The following SYNJ1 variants were observed in gnomAD, a reference collection of about 807,000 sequenced individuals.
The protein encoded by SYNJ1 is polyphosphatidylinositol phosphatase SYNJ1.
Under a neutral mutation model 168.2 loss-of-function variants are expected in SYNJ1, and 78 were observed. The observed-to-expected ratio is 0.46, with a 90% CI of 0.39 to 0.56. The LOEUF is 0.56. Ranked by LOEUF, SYNJ1 falls within the 20% of genes least tolerant of loss-of-function variation. SYNJ1 has a pLI of 0.00. For synonymous variants in SYNJ1, 539 were observed against 548.6 expected, an observed-to-expected ratio of 0.98 and a Z score of 0.24; for missense variants, 1,303 against 1,597.6, an observed-to-expected ratio of 0.82 and a Z score of 3.14.
At chr21:32,708,912 G>A (rs571240837) in intron 2 of SYNJ1, among the ~76,000 whole-genome samples, 2 of 151,490 alleles carry the variant, frequency 1.3e-5, no homozygotes, top group South Asian at 4.2e-4. Flanking sequence ...GAACCCAAGA[G>A]TTCAACACCA....
At chr21:32,686,004 G>A in intron 8 of SYNJ1, 87 bp from the exon 9 acceptor site, 2 of 1,369,318 alleles carry the variant, frequency 1.5e-6, no homozygotes, top group Non-Finnish European at 2.0e-6. Context: ...ATTGACACTG[G>A]CAATAAATCT....
At chr21:32,639,590 G>A in intron 30 of SYNJ1, 81 bp downstream of exon 30, 2 of 1,084,596 alleles carry the variant, frequency 1.8e-6, no homozygotes, top group Non-Finnish European at 2.8e-6. Context: ...TTACAGGCGG[G>A]TCTCACTATG....
chr21:32,649,169 G>C (rs952888260), intron 23 of SYNJ1, among the ~76,000 whole-genome samples: 1 of 152,042 alleles, frequency 6.6e-6, no homozygotes, highest in Non-Finnish European at 1.5e-5. Context: ...TTACTTACAC[G>C]TAACACCCAA....
At chr21:32,721,220 A>G (rs1442853114) in intron 2 of SYNJ1, among the ~76,000 whole-genome samples, 1 of 152,228 alleles carries the variant, frequency 6.6e-6, no homozygotes, top group East Asian at 1.9e-4. Context: ...ATTTAATCAA[A>G]CACTTGCTGT....
At chr21:32,640,047 G>A (rs1240648013) in intron 29 of SYNJ1, among the ~76,000 whole-genome samples, 1 of 152,106 alleles carries the variant, frequency 6.6e-6, no homozygotes, top group South Asian at 2.1e-4. Context: ...TCCCTCAGAA[G>A]TAGGTATTAT....
intron 3 of SYNJ1, 131 bp from the exon 4 acceptor site, chr21:32,700,236 C>A: frequency 9.6e-7 from 1 of 1,046,144 alleles, no homozygotes; most frequent in Non-Finnish European, 1.3e-6. Flanking sequence ...TGTTGAAATT[C>A]ACTAGACATT....
intron 2 of SYNJ1, among the ~76,000 whole-genome samples, chr21:32,719,541 C>G (rs570894157): frequency 6.6e-6 from 1 of 151,856 alleles, no homozygotes; most frequent in East Asian, 1.9e-4. Context: ...TGGTGAAACC[C>G]CGTCTCTACT....
intron 2 of SYNJ1, among the ~76,000 whole-genome samples, chr21:32,722,019 C>G (rs1362288897): frequency 1.3e-5 from 2 of 151,176 alleles, no homozygotes; most frequent in Non-Finnish European, 2.9e-5. Context: ...AACCCTGTCT[C>G]TACTAAAAAT....
At chr21:32,693,251 G>A (rs999146761) in intron 6 of SYNJ1, among the ~76,000 whole-genome samples, 4 of 152,168 alleles carry the variant, frequency 2.6e-5, no homozygotes, top group Non-Finnish European at 5.9e-5. Flanking sequence ...AAGCGTAGGA[G>A]AAGTGGGGTT....
At position 32,642,274 on chromosome 21, in the gene SYNJ1, A is replaced by G. The variant is rs1601246285; in HGVS notation, c.3479-141T>C. 6 of 837,018 alleles carry G rather than the reference A, an allele frequency of 7.2e-6. No homozygotes were observed. In the East Asian group the frequency reaches 1.5e-4, roughly 21 times the overall value. 51.8% of individuals were successfully genotyped at this position (837,018 alleles called of 1,614,324 possible). A position where few individuals can be genotyped will look rare whatever the true frequency, so the allele number is the denominator to read the frequency against. On this transcript the variant is annotated intron_variant, in intron 27 of 32. Coordinates refer to ENST00000674351, the MANE Select transcript of SYNJ1 (RefSeq NM_203446.3). ...AACAAAACAAAGCACTTTGCTTTGT[A>G]TAATGATGAAGGGTATTATCAGTCC...
chr21:32,660,517 C>T (rs960542623), intron 18 of SYNJ1, among the ~76,000 whole-genome samples: 6 of 152,202 alleles, frequency 3.9e-5, no homozygotes, highest in Non-Finnish European at 7.3e-5. Flanking sequence ...ACCTGACCTT[C>T]GGGACCAGCC....
chr21:32,648,076 G>A (rs1199083065), intron 23 of SYNJ1, among the ~76,000 whole-genome samples: 1 of 152,142 alleles, frequency 6.6e-6, no homozygotes, highest in African/African-American at 2.4e-5. Context: ...TGTCACTTGG[G>A]TATCTGAGGA....
chr21:32,656,315 G>GCA (rs1205865841), intron 21 of SYNJ1, among the ~76,000 whole-genome samples: 1 of 152,092 alleles, frequency 6.6e-6, no homozygotes, highest in East Asian at 1.9e-4. Flanking sequence ...GTGGTGGTGT[G>GCA]CACTTGCAGA....
Position 32,685,741 on chromosome 21 carries a change from G to A in SYNJ1, c.1118+7C>T, listed in dbSNP as rs752329632. The A allele has an allele frequency of 3.1e-6, 5 of 1,590,600 alleles. No homozygotes were observed. The highest frequency in any genetic ancestry group is 1.9e-4 in the Middle Eastern group (1 of 5,398). ...ATTCAAAGAACAGAGAAACAGAACA[G>A]TCAAACCTTTGAACTTCACTTCCAT... On this transcript the variant is annotated splice_region_variant and intron_variant, in intron 9 of 32. Coordinates refer to ENST00000674351, the MANE Select transcript of SYNJ1 (RefSeq NM_203446.3).
intron 18 of SYNJ1, chr21:32,658,504 C>T (rs1161549969): frequency 6.6e-6 from 1 of 152,302 alleles, no homozygotes; most frequent in Admixed American, 6.5e-5. Context: ...CTCATTCCTC[C>T]TGGACACCAG....
chr21:32,684,420 G>A (rs1330628941), intron 9 of SYNJ1, among the ~76,000 whole-genome samples: 2 of 152,014 alleles, frequency 1.3e-5, no homozygotes, highest in Non-Finnish European at 2.9e-5. Flanking sequence ...ACAGTTCTTT[G>A]CACATAAAAT....
At chr21:32,634,720 T>G in intron 32 of SYNJ1, 141 bp downstream of exon 32, 1 of 793,208 alleles carries the variant, frequency 1.3e-6, no homozygotes, top group South Asian at 2.4e-5. Context: ...AAAAGCAGGT[T>G]TTATGGTATG....
chr21:32,631,520 G>A lies in SYNJ1; in HGVS notation c.*285C>T. The A allele has an allele frequency of 6.2e-7, 1 of 1,614,100 alleles. No individual in the cohort carries two copies. On this transcript the variant is annotated 3_prime_UTR_variant, in exon 33 of 33. Coordinates refer to ENST00000674351, the MANE Select transcript of SYNJ1 (RefSeq NM_203446.3). ...CACTGAAAGGATTTGTCCTGGTCAA[G>A]CCAGTAATAAATGGGTTTGGAGAAC...
intron 32 of SYNJ1, among the ~76,000 whole-genome samples, chr21:32,632,381 AC>A (rs1029585461): frequency 6.9e-6 from 1 of 144,604 alleles, no homozygotes; most frequent in African/African-American, 2.6e-5. Flanking sequence ...TTCTTTGCCC[AC>A]CCCCTCTTTT....
Sources: gnomAD v4.1 joint callset for allele counts (sites outside exome capture counted in the v4.1 genomes callset) on GRCh38, gnomAD v4.1.1 for gene constraint, MANE v1.5 for transcripts, NCBI Gene and HGNC (gene_info 2026-07-23, HGNC 2026-07-21) for gene names.